Variants in DCLRE1B observed in about 807,000 individuals in gnomAD.
DCLRE1B encodes the protein 5' exonuclease Apollo.
DCLRE1B carries 6 observed loss-of-function variants against 19.8 expected under a neutral mutation model. The observed-to-expected ratio is 0.30, with a 90% confidence interval of 0.17 to 0.60. The LOEUF is 0.60. DCLRE1B is among the 20% of genes least tolerant of loss of function. DCLRE1B has a pLI of 0.87. For missense variants in DCLRE1B, 622 were observed against 654.2 expected (o/e 0.95, Z 0.54); for synonymous variants, 258 against 255.7 (o/e 1.01, Z -0.09).
At chr1:113,904,743 C>T, upstream of DCLRE1B, 1 of 1,591,914 alleles carries the variant, frequency 6.3e-7, no homozygotes, top group Non-Finnish European at 8.6e-7. Context: ...AGGGCAGCTC[C>T]CACAGCTCCC....
rs1453561708 is a variant in DCLRE1B at position 113,913,780 on chromosome 1, AAAT to A, written c.*1590_*1592del. The A allele has an allele frequency of 6.6e-6, 1 of 152,276 alleles. No homozygotes were observed. The highest frequency in any genetic ancestry group is 1.5e-5 in the Non-Finnish European group (1 of 68,036). The allele number at this position is 152,276 out of a possible 1,614,324, so 9.4% of individuals were successfully genotyped here. ...AAACTTTGAAAGTCAAAAAAACAAA[AAAT>A]TTTAATTCCTCGTAGATTAATTGAT... is the stretch of plus-strand genomic sequence containing the variant. On this transcript the variant is annotated 3_prime_UTR_variant, in exon 4 of 4. Coordinates refer to ENST00000650450, the MANE Select transcript of DCLRE1B (RefSeq NM_022836.4).
chr1:113,908,153 A>G lies in DCLRE1B; in HGVS notation c.500A>G (p.Gln167Arg). The change falls in exon 3 of 4, where the codon CAG becomes CGG. Residue 167 changes from glutamine (Q) to arginine (R), a missense_variant. By Grantham distance (43) the Gln-to-Arg change is conservative. Coordinates refer to ENST00000650450, the MANE Select transcript of DCLRE1B (RefSeq NM_022836.4). The part of the protein sequence containing the change: ...SRQEAAHQIV[Q>R]LIRKHPQHNI... The stretch of plus-strand genomic sequence containing the variant: ...CAAGAAGCTGCCCACCAGATTGTCC[A>G]GCTCATTCGAAAACACCCACAACAT... 1 of 1,614,094 alleles carries G rather than the reference A, an allele frequency of 6.2e-7. No homozygotes were observed. Among genetic ancestry groups the G allele is most frequent in the Non-Finnish European group, 8.5e-7 (1 of 1,180,006 alleles).
In DCLRE1B at chr1:113,908,294, T is replaced by A. The variant is rs1003774316; in HGVS notation, c.538+103T>A. 5.6e-6 allele frequency: 8 copies of A among 1,434,310 alleles called. No homozygotes were observed. The Admixed American group carries it at 1.8e-4, about 33-fold the overall frequency. The allele number at this position is 1,434,310 out of a possible 1,614,324, so 88.8% of individuals were successfully genotyped here. On this transcript the variant is annotated intron_variant, in intron 3 of 3. Transcript: ENST00000650450. ...TCTTTGTGCAGTTCTCACTTTCTCC[T>A]ACACTGACCACCTTATTTAAAATTG...
At chr1:113,904,770 T>A, upstream of DCLRE1B, 1 of 1,425,456 alleles carries the variant, frequency 7.0e-7, no homozygotes, top group South Asian at 1.1e-5. Context: ...ACTCGAGGGC[T>A]CCTTCTCGTC....
At chr1:113,907,869 C>T in intron 2 of DCLRE1B, 140 bp from the exon 3 acceptor site, 1 of 849,566 alleles carries the variant, frequency 1.2e-6, no homozygotes, top group Non-Finnish European at 1.8e-6. Context: ...TGCAGCTATA[C>T]TGCCTAGTTC....
intron 1 of DCLRE1B, among the ~76,000 whole-genome samples, 191 bp downstream of exon 1, chr1:113,905,966 G>A (rs150381811): frequency 9.0e-4 from 136 of 150,348 alleles, no homozygotes; most frequent in African/African-American, 2.7e-3. Flanking sequence ...TTAGCCATAA[G>A]TTGAGGAGAT....
In DCLRE1B at chr1:113,912,172, A is replaced by G. The variant is rs1177121401; in HGVS notation, c.1580A>G (p.Lys527Arg). 1.2e-6 allele frequency: 2 copies of G among 1,613,120 alleles called. No homozygotes were observed. Among genetic ancestry groups the G allele is most frequent in the Non-Finnish European group, 1.7e-6 (2 of 1,179,718 alleles). ...AGGAGATTTGACCAGCAAGTGGAAA[A>G]ATACCATAAACCCTGCTGAAGACAG... ...SSRRFDQQVE[K>R]YHKPC Residue 527 changes from lysine (K) to arginine (R), a missense_variant, in exon 4 of 4, where the codon AAA (lysine) becomes AGA (arginine). Coordinates refer to ENST00000650450, the MANE Select transcript of DCLRE1B (RefSeq NM_022836.4).
chr1:113,905,314 C>T (rs1558102325), upstream of DCLRE1B: 2 of 475,232 alleles, frequency 4.2e-6, no homozygotes, highest in East Asian at 8.0e-5. Context: ...CTGTCTCCTC[C>T]CTGCAGCGCG....
rs1008715766 is a variant in DCLRE1B, at chr1:113,913,980, A to G, written c.*1789A>G. On this transcript the variant is annotated 3_prime_UTR_variant, in exon 4 of 4. Transcript: ENST00000650450. The stretch of plus-strand genomic sequence containing the variant: ...CAAAAATGCCATTTTTAATATTTGT[A>G]TAATACCCTATCATGTGAGTATACC... 1 of 152,228 alleles carries G rather than the reference A, an allele frequency of 6.6e-6. No homozygotes were observed. The highest frequency in any genetic ancestry group is 1.5e-5 in the Non-Finnish European group (1 of 68,038). The allele number at this position is 152,228 out of a possible 1,614,324, so 9.4% of individuals were successfully genotyped here.
At position 113,905,374 on chromosome 1, in the gene DCLRE1B, C is replaced by T. The variant is rs28364567; in HGVS notation, c.-213C>T. The T allele has an allele frequency of 5.7e-3, 3,359 of 586,370 alleles. 22 individuals are homozygous for T. Among genetic ancestry groups the T allele is most frequent in the Non-Finnish European group, 7.6e-3 (2,579 of 340,906 alleles). The allele number at this position is 586,370 out of a possible 1,614,324, so 36.3% of individuals were successfully genotyped here. On this transcript the variant is annotated 5_prime_UTR_variant, in exon 1 of 4. Coordinates refer to ENST00000650450, the MANE Select transcript of DCLRE1B (RefSeq NM_022836.4). ...CCGCTCCCGCGCGGTTGGGAGTGTC[C>T]AGCGCCCTCCGCGATTTGGGCTCCA... is the stretch of plus-strand genomic sequence containing the variant.
chr1:113,911,873 C>T lies in DCLRE1B; in HGVS notation c.1281C>T (p.Ala427=). 1 of 1,614,184 alleles carries T rather than the reference C, an allele frequency of 6.2e-7. No individual in the cohort carries two copies. Among genetic ancestry groups the T allele is most frequent in the Non-Finnish European group, 8.5e-7 (1 of 1,180,040 alleles). ...ESQKRVTMLT[A]PLGFSVHLRS... is the part of the protein sequence containing the mutation. ...AAAAGAGGGTGACTATGTTGACGGC[C>T]CCACTGGGATTTTCAGTGCACTTAA... The change falls in exon 4 of 4, where the codon GCC becomes GCT. Residue 427 remains alanine, a synonymous_variant. Coordinates refer to ENST00000650450, the MANE Select transcript of DCLRE1B (RefSeq NM_022836.4).
At position 113,905,734 on chromosome 1, in the gene DCLRE1B, T is replaced by A; in HGVS notation, c.148T>A (p.Cys50Ser). The A allele has an allele frequency of 1.2e-6, 2 of 1,614,050 alleles. No homozygotes were observed. Among genetic ancestry groups the A allele is most frequent in the Non-Finnish European group, 1.7e-6 (2 of 1,179,970 alleles). ...LSSTWARPLY[C>S]SPITAHLLHR... ...TAGCACCTGGGCCCGGCCCCTCTAC[T>A]GCTCCCCAATTACAGCCCACCTCTT... Residue 50 changes from cysteine to serine, a missense_variant, in exon 1 of 4, where the codon TGC becomes AGC. Transcript: ENST00000650450.
intron 1 of DCLRE1B, among the ~76,000 whole-genome samples, chr1:113,906,714 C>T (rs1195500779): frequency 2.0e-5 from 3 of 150,810 alleles, no homozygotes; most frequent in Non-Finnish European, 3.0e-5. Context: ...AGGATGGTCT[C>T]GATCTCCTGA....
At position 113,905,634 on chromosome 1, in the gene DCLRE1B, G is replaced by T. The variant is rs1349249465; in HGVS notation, c.48G>T (p.Trp16Cys). ...ATACGCCCATCGCAGTGGACTTCTG[G>T]AGCCTGCGCCGGGCTGGCACCGCAC... is the stretch of plus-strand genomic sequence containing the variant. ...IPHTPIAVDF[W>C]SLRRAGTARL... is the part of the protein sequence containing the mutation. The change falls in exon 1 of 4, where the codon TGG becomes TGT. Residue 16 changes from tryptophan (W) to cysteine (C), a missense_variant. Physicochemically the swap from Trp to Cys is radical, Grantham distance 215 (BLOSUM62 -2). Coordinates refer to ENST00000650450, the MANE Select transcript of DCLRE1B (RefSeq NM_022836.4). The T allele has an allele frequency of 5.6e-6, 9 of 1,614,202 alleles. No homozygotes were observed. Among genetic ancestry groups the T allele is most frequent in the Non-Finnish European group, 6.8e-6 (8 of 1,180,054 alleles).
At chr1:113,908,311 T>A in intron 3 of DCLRE1B, 120 bp downstream of exon 3, 1 of 1,346,400 alleles carries the variant, frequency 7.4e-7, no homozygotes, top group Non-Finnish European at 1.0e-6. Flanking sequence ...ACCACCTTAT[T>A]TAAAATTGCA....
Position 113,905,621 on chromosome 1 carries a change from C to T in DCLRE1B, c.35C>T (p.Ala12Val). ...NGVLIPHTPI[A>V]VDFWSLRRAG... ...GTCCTGATCCCCCATACGCCCATCG[C>T]AGTGGACTTCTGGAGCCTGCGCCGG... The change falls in exon 1 of 4, where the codon GCA becomes GTA. Residue 12 changes from alanine to valine, a missense_variant. Coordinates refer to ENST00000650450, the MANE Select transcript of DCLRE1B (RefSeq NM_022836.4). 5.0e-6 allele frequency: 8 copies of T among 1,614,224 alleles called. No homozygotes were observed. The highest frequency in any genetic ancestry group is 6.8e-6 in the Non-Finnish European group (8 of 1,180,046).
rs746144334 is a variant in DCLRE1B at position 113,905,601 on chromosome 1, G to C, written c.15G>C (p.Leu5=). The change falls in exon 1 of 4, where the codon CTG becomes CTC. Residue 5 remains leucine (L), a synonymous_variant. Transcript: ENST00000650450. The stretch of plus-strand genomic sequence containing the variant: ...ACCCTACCACCATGAATGGGGTCCT[G>C]ATCCCCCATACGCCCATCGCAGTGG... MNGV[L]IPHTPIAVDF... 4.0e-5 allele frequency: 64 copies of C among 1,614,050 alleles called. No homozygotes were observed. The highest frequency in any genetic ancestry group is 4.7e-5 in the Non-Finnish European group (56 of 1,180,036).
chr1:113,906,844 G>A, intron 1 of DCLRE1B, 152 bp from the exon 2 acceptor site: 1 of 776,686 alleles, frequency 1.3e-6, no homozygotes, highest in Non-Finnish European at 2.1e-6. Context: ...GAAGGAGGAA[G>A]GGCAGATTGC....
At position 113,905,787 on chromosome 1, in the gene DCLRE1B, G is replaced by A; in HGVS notation, c.189+12G>A. The A allele has an allele frequency of 1.2e-6, 2 of 1,603,436 alleles. No homozygotes were observed. The highest frequency in any genetic ancestry group is 1.7e-6 in the Non-Finnish European group (2 of 1,173,002). On this transcript the variant is annotated intron_variant, in intron 1 of 3. Coordinates refer to ENST00000650450, the MANE Select transcript of DCLRE1B (RefSeq NM_022836.4). ...ATCGTCACCTACAGGTATGGGGCTG[G>A]AGTCGGTCTCCGAGAGCTGGTCCAG... is the stretch of plus-strand genomic sequence containing the variant.
Sources: gnomAD v4.1 joint callset for allele counts (sites outside exome capture counted in the v4.1 genomes callset) on GRCh38, gnomAD v4.1.1 for gene constraint, MANE v1.5 for transcripts, NCBI Gene and HGNC (gene_info 2026-07-23, HGNC 2026-07-21) for gene names.